The following RGS14 variants were observed in gnomAD, a reference collection of about 807,000 sequenced individuals.
RGS14 encodes the protein regulator of G protein signaling 14, also known as regulator of G-protein signaling 14.
RGS14 carries 33 observed loss-of-function variants against 63.8 expected under a neutral mutation model. That is an observed-to-expected ratio of 0.52 (90% CI 0.39 to 0.69). RGS14 has a LOEUF of 0.69. RGS14 is among the 30% of genes least tolerant of loss of function. The pLI is 0.00. For synonymous variants in RGS14, 296 were observed against 320.9 expected (o/e 0.92, Z 0.83); for missense variants, 739 against 742.9 (o/e 0.99, Z 0.06).
At chr5:177,367,144 G>A in intron 5 of RGS14, 110 bp downstream of exon 5, 1 of 1,408,672 alleles carries the variant, frequency 7.1e-7, no homozygotes, top group Non-Finnish European at 9.6e-7. Flanking sequence ...AAATTTGGAG[G>A]CGGAGACAGA....
Position 177,368,177 on chromosome 5 carries a change from G to C in RGS14, c.760G>C (p.Ala254Pro), listed in dbSNP as rs1163358007. ...ACTAGAGCTGGGCGGGACTGCAAAC[G>C]CCGCCTTGCGCCGAGAGTCTCAGGG... ...FRRELGGTAN[A>P]ALRRESQGSL... is the part of the protein sequence containing the mutation. Residue 254 changes from alanine (A) to proline (P), a missense_variant, in exon 8 of 15, where the codon GCC becomes CCC. By Grantham distance (27) the Ala-to-Pro change is conservative. Coordinates refer to ENST00000408923, the MANE Select transcript of RGS14 (RefSeq NM_006480.5). The C allele has an allele frequency of 1.9e-6, 3 of 1,613,574 alleles. No individual in the cohort carries two copies. Among genetic ancestry groups the C allele is most frequent in the Non-Finnish European group, 2.5e-6 (3 of 1,179,894 alleles).
chr5:177,365,877 T>C (rs1349537926), intron 1 of RGS14, 86 bp from the exon 2 acceptor site: 2 of 1,400,622 alleles, frequency 1.4e-6, no homozygotes, highest in Non-Finnish European at 2.0e-6. Flanking sequence ...GAGAACGCAG[T>C]TCCAGCTCCT....
Position 177,371,852 on chromosome 5 carries a change from C to T in RGS14, c.1499-21C>T, listed in dbSNP as rs1207549899. On this transcript the variant is annotated intron_variant, in intron 14 of 14. Transcript: ENST00000408923. The surrounding 1 kb of genome is among the most constrained non-coding windows in gnomAD (Gnocchi z 6.1). The stretch of plus-strand genomic sequence containing the variant: ...TAGGCAGGTCTGCTGGGGGGACCCT[C>T]ATGCTGTGGCTTGCCTCCAGGCCTG... 1.9e-6 allele frequency: 3 copies of T among 1,606,784 alleles called. No homozygotes were observed. Among genetic ancestry groups the T allele is most frequent in the East Asian group, 4.5e-5 (2 of 44,812 alleles).
In RGS14 at chr5:177,360,306, G is replaced by T. The variant is rs181241392; in HGVS notation, c.45+2237G>T. Among the ~76,000 whole-genome samples, 13 of 152,216 alleles carry T rather than the reference G, an allele frequency of 8.5e-5. No homozygotes were observed. In the East Asian group the frequency reaches 2.3e-3, roughly 27 times the overall value. On this transcript the variant is annotated intron_variant, in intron 1 of 14. Transcript: ENST00000408923. ...ACACAGGTGAAAATACCAGGCAGTG[G>T]CTCAAGCCTGGAATCCCAGCACTTT...
chr5:177,365,786 G>A (rs1177559382), intron 1 of RGS14, among the ~76,000 whole-genome samples, 177 bp from the exon 2 acceptor site: 1 of 152,202 alleles, frequency 6.6e-6, no homozygotes, highest in Non-Finnish European at 1.5e-5. Flanking sequence ...TTAGTGGTTG[G>A]CACAGGATGG....
At position 177,371,715 on chromosome 5, in the gene RGS14, G is replaced by T. The variant is rs1370305747; in HGVS notation, c.1498+126G>T. The T allele has an allele frequency of 5.2e-6, 6 of 1,144,620 alleles. No homozygotes were observed. The highest frequency in any genetic ancestry group is 7.6e-6 in the Non-Finnish European group (6 of 793,130). The allele number at this position is 1,144,620 out of a possible 1,614,324, so 70.9% of individuals were successfully genotyped here. A position where few individuals can be genotyped will look rare whatever the true frequency, so the allele number is the denominator to read the frequency against. Reference sequence around the variant, plus strand: ...GTGCCACTGGGCGTGGAACAGGAAGGATGGGGGTTGGGGGGTCAAAGGGGC... The same window carrying T: ...GTGCCACTGGGCGTGGAACAGGAAGTATGGGGGTTGGGGGGTCAAAGGGGC... On this transcript the variant is annotated intron_variant, in intron 14 of 14. Coordinates refer to ENST00000408923, the MANE Select transcript of RGS14 (RefSeq NM_006480.5). The surrounding 1 kb of genome is among the most constrained non-coding windows in gnomAD (Gnocchi z 6.1).
At chr5:177,367,265 G>T in intron 5 of RGS14, 149 bp from the exon 6 acceptor site, 2 of 1,200,792 alleles carry the variant, frequency 1.7e-6, no homozygotes, top group Middle Eastern at 2.9e-4. Flanking sequence ...GGACCCCGGG[G>T]GTGGGTATAG....
intron 8 of RGS14, 123 bp downstream of exon 8, chr5:177,368,389 A>G (rs1762160389): frequency 1.9e-6 from 2 of 1,044,248 alleles, no homozygotes; most frequent in African/African-American, 3.2e-5. Context: ...TGCTCTGCGT[A>G]GCCAACCCTT....
chr5:177,370,593 C>G lies in RGS14; in HGVS notation c.1056C>G (p.Ala352=). ...ACCCTGCCTGGCATCCACAGAAGGC[C>G]CTGGTCCTGGATCAGGACTGCACCG... is the stretch of plus-strand genomic sequence containing the variant. ...IKVYLVGNEQ[A]LVLDQDCTVL... is the part of the protein sequence containing the mutation. The change falls in exon 10 of 15, where the codon GCC becomes GCG. Residue 352 remains alanine, a splice_region_variant and synonymous_variant. Transcript: ENST00000408923. The G allele has an allele frequency of 2.5e-6, 4 of 1,613,966 alleles. No homozygotes were observed. Among genetic ancestry groups the G allele is most frequent in the Non-Finnish European group, 3.4e-6 (4 of 1,179,932 alleles).
At chr5:177,368,128 G>A in intron 7 of RGS14, 29 bp from the exon 8 acceptor site, 1 of 1,605,890 alleles carries the variant, frequency 6.2e-7, no homozygotes, top group Admixed American at 1.7e-5. Flanking sequence ...GCGGGGGGCT[G>A]TTCGCGTTCA....
In RGS14 at chr5:177,368,864, GAGAA is replaced by G. The variant is rs780859874; in HGVS notation, c.999_1002del (p.Glu333AspfsTer46). 1.9e-6 allele frequency: 3 copies of G among 1,614,224 alleles called. No homozygotes were observed. The highest frequency in any genetic ancestry group is 2.5e-6 in the Non-Finnish European group (3 of 1,180,046). On this transcript the variant is annotated frameshift_variant, in exon 9 of 15. Transcript: ENST00000408923. LOFTEE classifies it high-confidence loss of function. ...CCGAGACATGCTGGCAGGGATCTGTGAGAAACGAGGCCTCTCTCTACCTGACATC... is the reference window on the plus strand; with the variant it reads ...CCGAGACATGCTGGCAGGGATCTGTGACGAGGCCTCTCTCTACCTGACATC...
chr5:177,371,436 T>A lies in RGS14; in HGVS notation c.1384-39T>A. The stretch of plus-strand genomic sequence containing the variant: ...AGTGGCCTCTTCCACCCTCTGCTTC[T>A]CCCCTCCCGATTTTGGCTCTGACCC... On this transcript the variant is annotated intron_variant, in intron 13 of 14. Transcript: ENST00000408923. The surrounding 1 kb of genome is among the most constrained non-coding windows in gnomAD (Gnocchi z 6.1). The A allele has an allele frequency of 6.2e-7, 1 of 1,613,944 alleles. No individual in the cohort carries two copies. Among genetic ancestry groups the A allele is most frequent in the Non-Finnish European group, 8.5e-7 (1 of 1,179,938 alleles).
rs1581619333 is a variant in RGS14 at position 177,366,722 on chromosome 5, G to A, written c.261G>A (p.Lys87=). 1 of 1,614,158 alleles carries A rather than the reference G, an allele frequency of 6.2e-7. No homozygotes were observed. The highest frequency in any genetic ancestry group is 1.3e-5 in the African/African-American group (1 of 75,018). The part of the protein sequence containing the change: ...GLAYFTEFLK[K]EFSAENVTFW... ...TCCCCTCCCAGGAGTTCCTGAAGAA[G>A]GAGTTCAGCGCGGAAAACGTGACTT... The change falls in exon 4 of 15, where the codon AAG becomes AAA. Residue 87 remains lysine (K), a synonymous_variant. Coordinates refer to ENST00000408923, the MANE Select transcript of RGS14 (RefSeq NM_006480.5).
chr5:177,372,079 C>G lies in RGS14; in HGVS notation c.*4C>G. On this transcript the variant is annotated 3_prime_UTR_variant, in exon 15 of 15. Transcript: ENST00000408923. ...CACCACCGACTCAGCCCTCTGACAG[C>G]TACCCAACAGTCCAGGACAGCTGCA... The G allele has an allele frequency of 1.9e-6, 3 of 1,613,342 alleles. No individual in the cohort carries two copies. Among genetic ancestry groups the G allele is most frequent in the Non-Finnish European group, 2.5e-6 (3 of 1,179,616 alleles).
intron 8 of RGS14, 97 bp downstream of exon 8, chr5:177,368,363 A>G (rs987301352): frequency 5.9e-5 from 76 of 1,293,830 alleles, no homozygotes; most frequent in Non-Finnish European, 7.5e-5. Flanking sequence ...TGCTGTCCTT[A>G]CTGCGTCTCC....
intron 1 of RGS14, among the ~76,000 whole-genome samples, chr5:177,363,685 C>T (rs778350250): frequency 1.3e-5 from 2 of 152,158 alleles, no homozygotes; most frequent in Non-Finnish European, 2.9e-5. Flanking sequence ...CATTTAATCG[C>T]ACCAATCCTT....
At chr5:177,367,155 G>A (rs968640179) in intron 5 of RGS14, 121 bp downstream of exon 5, 4 of 1,341,212 alleles carry the variant, frequency 3.0e-6, no homozygotes, top group Admixed American at 4.8e-5. Flanking sequence ...CGGAGACAGA[G>A]CCAAATGCCG....
In RGS14 at chr5:177,359,234, GC is replaced by G. The variant is rs1761899514; in HGVS notation, c.45+1169del. ...TCTTCCAGCATCTCTTTCCTGCCCA[GC>G]CCCGGGCTGGCCGGCTGGGAGAGAG... On this transcript the variant is annotated intron_variant, in intron 1 of 14. Coordinates refer to ENST00000408923, the MANE Select transcript of RGS14 (RefSeq NM_006480.5). The surrounding 1 kb of genome is among the most constrained non-coding windows in gnomAD (Gnocchi z 4.4). 6.6e-6 allele frequency among the ~76,000 whole-genome samples: 1 copy of G among 151,958 alleles called. No individual in the cohort carries two copies. Among genetic ancestry groups the G allele is most frequent in the African/African-American group, 2.4e-5 (1 of 41,358 alleles).
In RGS14 at chr5:177,368,995, G is replaced by A. The variant is rs1020224585; in HGVS notation, c.1053+75G>A. On this transcript the variant is annotated intron_variant, in intron 9 of 14. Coordinates refer to ENST00000408923, the MANE Select transcript of RGS14 (RefSeq NM_006480.5). ...CCAACTCCATTTCTGTCTCTGCTCA[G>A]TCATGGCTCCAACCCCAATTCAAGT... 2.7e-6 allele frequency: 4 copies of A among 1,457,704 alleles called. No individual in the cohort carries two copies. In the African/African-American group the frequency reaches 5.6e-5, roughly 20 times the overall value. 90.3% of individuals were successfully genotyped at this position (1,457,704 alleles called of 1,614,324 possible).
Sources: allele counts gnomAD v4.1 joint callset (sites outside exome capture counted in the v4.1 genomes callset), GRCh38; gene constraint gnomAD v4.1.1; non-coding constraint Gnocchi (gnomAD v3.1); transcripts MANE v1.5; gene names NCBI Gene and HGNC (gene_info 2026-07-23, HGNC 2026-07-21).